DNAH9: variants seen among roughly 807,000 people sequenced by gnomAD.
DNAH9 encodes the protein DNAH9 variant protein.
In DNAH9, 345 loss-of-function variants were observed where a neutral mutation model predicts 471.6. That is an observed-to-expected ratio of 0.73 (90% CI 0.67 to 0.80). The LOEUF is 0.80. Ranked by LOEUF, DNAH9 falls within the 30% of genes least tolerant of loss-of-function variation. The pLI, the probability that DNAH9 is intolerant of heterozygous loss-of-function variation, is 0.00. For synonymous variants in DNAH9, 2,093 were observed against 2,123.6 expected (o/e 0.99, Z 0.40); for missense variants, 5,407 against 5,609.2 (o/e 0.96, Z 1.15).
chr17:11,772,861 T>C (rs535252564), intron 38 of DNAH9, among the ~76,000 whole-genome samples: 61 of 152,230 alleles, frequency 4.0e-4, no homozygotes, highest in Non-Finnish European at 7.1e-4. Flanking sequence ...GTTACAACAT[T>C]CATGCAATAA....
chr17:11,875,502 A>G (rs1031093741), intron 53 of DNAH9, among the ~76,000 whole-genome samples: 14 of 152,286 alleles, frequency 9.2e-5, no homozygotes, highest in Non-Finnish European at 2.1e-4. Flanking sequence ...CCATTGTCAC[A>G]TAGCTCTGTG....
chr17:11,909,443 G>T (rs73298469), intron 61 of DNAH9, among the ~76,000 whole-genome samples: 1 of 151,826 alleles, frequency 6.6e-6, no homozygotes, highest in East Asian at 1.9e-4. Flanking sequence ...CAAATTAGCC[G>T]GTCTTGAACT....
intron 45 of DNAH9, among the ~76,000 whole-genome samples, chr17:11,812,030 T>TATATATATATATATATATATATAC (rs1969941380): frequency 2.4e-5 from 1 of 41,108 alleles, no homozygotes; most frequent in Non-Finnish European, 4.4e-5. Context: ...AAAAAAAATA[T>TATATATATATATATATATATATAC]ATATATATAT....
chr17:11,751,457 T>C (rs1967147639), intron 32 of DNAH9, among the ~76,000 whole-genome samples: 1 of 152,018 alleles, frequency 6.6e-6, no homozygotes, highest in Non-Finnish European at 1.5e-5. Flanking sequence ...CAATTGTTTT[T>C]AACAGTATTA....
Position 11,784,495 on chromosome 17 carries a change from T to C in DNAH9, c.8017T>C (p.Phe2673Leu), listed in dbSNP as rs201099907. The change falls in exon 41 of 69, where the codon TTC becomes CTC. Residue 2673 changes from phenylalanine to leucine, a missense_variant. By Grantham distance (22) the Phe-to-Leu change is conservative. Around this residue, in one of 3 missense-constraint regions of DNAH9, gnomAD observed 4,636 missense variants for 4,900.3 expected, o/e 0.95. Transcript: ENST00000262442. ...CACCTTCCTACCCACAGGAATCAAA[T>C]TCCACTACATCTTCAACCTCAGAGA... is the stretch of plus-strand genomic sequence containing the variant. ...ATTFLPTGIKFHYIFNLRDFA... is the reference protein window; with the variant it reads ...ATTFLPTGIKLHYIFNLRDFA... 1.5e-4 allele frequency: 247 copies of C among 1,614,172 alleles called. No individual in the cohort carries two copies. The highest frequency in any genetic ancestry group is 1.2e-4 in the Admixed American group (7 of 60,026).
At position 11,744,783 on chromosome 17, in the gene DNAH9, A is replaced by G; in HGVS notation, c.6112-14A>G. On this transcript the variant is annotated splice_polypyrimidine_tract_variant and intron_variant, in intron 30 of 68. Coordinates refer to ENST00000262442, the MANE Select transcript of DNAH9 (RefSeq NM_001372.4). Reference sequence around the variant, plus strand: ...TTCTGTCTCTCTGTCACTTTGATCTAACACTGCCCACAGGATCACTACGAC... The same window carrying G: ...TTCTGTCTCTCTGTCACTTTGATCTGACACTGCCCACAGGATCACTACGAC... 6.2e-7 allele frequency: 1 copy of G among 1,603,542 alleles called. No homozygotes were observed.
At chr17:11,679,715 T>C in intron 17 of DNAH9, 42 bp from the exon 18 acceptor site, 4 of 1,395,892 alleles carry the variant, frequency 2.9e-6, no homozygotes, top group Non-Finnish European at 4.1e-6. Flanking sequence ...TTTCGAGAAG[T>C]AGAACGAGAA....
chr17:11,845,983 C>G (rs544842018), intron 49 of DNAH9, among the ~76,000 whole-genome samples: 1 of 151,970 alleles, frequency 6.6e-6, no homozygotes, highest in East Asian at 1.9e-4. Flanking sequence ...GTTTCTTTTG[C>G]TGTGCAGAAG....
chr17:11,840,723 A>G (rs897912748), intron 49 of DNAH9, among the ~76,000 whole-genome samples: 7 of 152,300 alleles, frequency 4.6e-5, no homozygotes, highest in Non-Finnish European at 8.8e-5. Flanking sequence ...TAGAAGAGAG[A>G]GAAAAAAGGT....
chr17:11,956,482 C>A (rs1315416075), intron 67 of DNAH9, among the ~76,000 whole-genome samples: 1 of 152,022 alleles, frequency 6.6e-6, no homozygotes, highest in African/African-American at 2.4e-5. Flanking sequence ...AATTATCAAC[C>A]AACTTAACCA....
chr17:11,697,458 G>A (rs1210971048), intron 22 of DNAH9, among the ~76,000 whole-genome samples: 1 of 152,050 alleles, frequency 6.6e-6, no homozygotes, highest in African/African-American at 2.4e-5. Context: ...TCCCTATAGA[G>A]AATAAAATTT....
At chr17:11,617,835 C>A (rs569570662) in intron 5 of DNAH9, among the ~76,000 whole-genome samples, 15 of 152,294 alleles carry the variant, frequency 9.8e-5, no homozygotes, top group African/African-American at 3.6e-4. Context: ...ATCCTGTCTT[C>A]CTTTCCCCTC....
At chr17:11,853,905 C>G in intron 49 of DNAH9, 98 bp from the exon 50 acceptor site, 2 of 1,169,834 alleles carry the variant, frequency 1.7e-6, no homozygotes, top group Admixed American at 4.5e-5. Flanking sequence ...TCAAAGCAGC[C>G]CTTTCAAACC....
intron 17 of DNAH9, among the ~76,000 whole-genome samples, chr17:11,676,102 A>G (rs2074044692): frequency 6.6e-6 from 1 of 152,090 alleles, no homozygotes; most frequent in African/African-American, 2.4e-5. Context: ...TTTAATGATT[A>G]TGAAGATATT....
intron 59 of DNAH9, among the ~76,000 whole-genome samples, chr17:11,898,856 A>G (rs80015156): frequency 6.6e-6 from 1 of 152,192 alleles, no homozygotes; most frequent in African/African-American, 2.4e-5. Flanking sequence ...ATTTAGTTTC[A>G]TTCCTCTTTT....
At chr17:11,598,959 G>A in intron 1 of DNAH9, 44 bp downstream of exon 1, 7 of 1,414,486 alleles carry the variant, frequency 4.9e-6, no homozygotes, top group African/African-American at 1.5e-5. Context: ...GCTGGGTGGG[G>A]GAGGGGAGGA....
At chr17:11,959,164 T>G (rs992673975) in intron 67 of DNAH9, among the ~76,000 whole-genome samples, 1 of 152,128 alleles carries the variant, frequency 6.6e-6, no homozygotes, top group African/African-American at 2.4e-5. Flanking sequence ...CATATTTAAT[T>G]GTGAGGGACT....
In DNAH9 at chr17:11,664,860, C is replaced by A; in HGVS notation, c.2623C>A (p.Pro875Thr). Residue 875 changes from proline to threonine, a missense_variant, in exon 15 of 69, where the codon CCA (proline) becomes ACA (threonine). Physicochemically the swap from Pro to Thr is conservative, Grantham distance 38. Coordinates refer to ENST00000262442, the MANE Select transcript of DNAH9 (RefSeq NM_001372.4). ...AAACCTGGGTCTATTTTCAGCAGAC[C>A]CAACCTCCAATATCTGGAAGACTTA... is the stretch of plus-strand genomic sequence containing the variant. ...QENLGLFSADPTSNIWKTYVN... is the reference protein window; with the variant it reads ...QENLGLFSADTTSNIWKTYVN... 1.9e-6 allele frequency: 3 copies of A among 1,612,698 alleles called. No homozygotes were observed. The highest frequency in any genetic ancestry group is 2.2e-5 in the South Asian group (2 of 90,932).
Position 11,969,479 on chromosome 17 carries a change from C to A in DNAH9, c.13413C>A (p.Asn4471Lys), listed in dbSNP as rs1276829518. 3 of 1,613,784 alleles carry A rather than the reference C, an allele frequency of 1.9e-6. No homozygotes were observed. Among genetic ancestry groups the A allele is most frequent in the Non-Finnish European group, 2.5e-6 (3 of 1,179,998 alleles). ...CTTTCAACCTGAAGACTAAGGAAAACCCATCCAAGTGGGTTCTGGCTGGAG... is the reference window on the plus strand; with the variant it reads ...CTTTCAACCTGAAGACTAAGGAAAAACCATCCAAGTGGGTTCTGGCTGGAG... ...VWTFNLKTKE[N>K]PSKWVLAGVA... is the part of the protein sequence containing the mutation. Residue 4471 changes from asparagine to lysine, a missense_variant, in exon 69 of 69, where the codon AAC becomes AAA. Asn to Lys is a moderately conservative substitution (Grantham distance 94, BLOSUM62 0). This residue lies in a region of DNAH9 where 4,636 missense variants were observed against 4,900.3 expected (regional missense o/e 0.95). Transcript: ENST00000262442.
Sources: gnomAD v4.1 joint callset for allele counts (sites outside exome capture counted in the v4.1 genomes callset) on GRCh38, gnomAD v4.1.1 for gene constraint, gnomAD v4.1.1 regional missense constraint, MANE v1.5 for transcripts, NCBI Gene and HGNC (gene_info 2026-07-23, HGNC 2026-07-21) for gene names.